BTRC: variants seen among roughly 807,000 people sequenced by gnomAD.
The protein encoded by BTRC is beta-transducin repeat containing E3 ubiquitin protein ligase.
Under a neutral mutation model 85.5 loss-of-function variants are expected in BTRC, and 42 were observed. The observed-to-expected ratio is 0.49, with a 90% CI of 0.38 to 0.64. The LOEUF (loss-of-function observed/expected upper bound fraction) is 0.64, where lower values mean the gene tolerates loss of function less well. Ranked by LOEUF, BTRC falls within the 30% of genes least tolerant of loss-of-function variation. BTRC has a pLI of 0.00. For synonymous variants in BTRC, 255 were observed against 263.3 expected (o/e 0.97, Z 0.30); for missense variants, 594 against 743.5 (o/e 0.80, Z 2.34).
chr10:101,361,373 T>C (rs1292134220), intron 1 of BTRC, among the ~76,000 whole-genome samples: 1 of 152,232 alleles, frequency 6.6e-6, no homozygotes, highest in Non-Finnish European at 1.5e-5. Flanking sequence ...CCCTAAGTGC[T>C]GGGATTACAG....
intron 1 of BTRC, among the ~76,000 whole-genome samples, chr10:101,414,402 C>T (rs1274678991): frequency 6.6e-6 from 1 of 152,090 alleles, no homozygotes; most frequent in East Asian, 1.9e-4. Context: ...GAACCTGCTG[C>T]ACTGCTAGTC....
intron 1 of BTRC, among the ~76,000 whole-genome samples, chr10:101,363,539 A>G (rs1390941204): frequency 1.3e-5 from 2 of 151,594 alleles, no homozygotes; most frequent in Non-Finnish European, 2.9e-5. Flanking sequence ...GCTCACTGCC[A>G]CCTCCACCTC....
chr10:101,531,113 G>A, intron 6 of BTRC, 124 bp from the exon 7 acceptor site: 1 of 706,796 alleles, frequency 1.4e-6, no homozygotes, highest in Non-Finnish European at 2.3e-6. Flanking sequence ...GGAGGTTGCA[G>A]TGAGCCAACA....
At chr10:101,360,156 G>C (rs1329063576) in intron 1 of BTRC, among the ~76,000 whole-genome samples, 1 of 151,992 alleles carries the variant, frequency 6.6e-6, no homozygotes, top group African/African-American at 2.4e-5. Context: ...CTGGGTTCAA[G>C]CAATTCTTGT....
intron 1 of BTRC, among the ~76,000 whole-genome samples, chr10:101,364,088 T>C (rs1590201329): frequency 6.6e-6 from 1 of 152,104 alleles, no homozygotes; most frequent in East Asian, 1.9e-4. Flanking sequence ...AGTAATCTAC[T>C]GCAGTGATCT....
At chr10:101,361,556 T>G (rs1280467669) in intron 1 of BTRC, among the ~76,000 whole-genome samples, 4 of 152,226 alleles carry the variant, frequency 2.6e-5, no homozygotes. Context: ...CTCAGCATTC[T>G]AAAATAGGCA....
intron 4 of BTRC, among the ~76,000 whole-genome samples, chr10:101,499,292 A>C (rs932911172): frequency 2.0e-5 from 3 of 151,450 alleles, no homozygotes; most frequent in Non-Finnish European, 4.4e-5. Context: ...GCTGGAGTGC[A>C]GTGGTGCGAT....
At chr10:101,426,188 A>G (rs899182162) in intron 1 of BTRC, among the ~76,000 whole-genome samples, 79 of 152,130 alleles carry the variant, frequency 5.2e-4, no homozygotes, top group African/African-American at 1.8e-3. Flanking sequence ...GTTATAGCCC[A>G]CTCCATTTAT....
At chr10:101,419,272 A>G (rs939107425) in intron 1 of BTRC, among the ~76,000 whole-genome samples, 22 of 152,152 alleles carry the variant, frequency 1.4e-4, no homozygotes, top group African/African-American at 5.3e-4. Flanking sequence ...CGGCCTCCCA[A>G]AGTGCTGGGA....
chr10:101,426,171 A>G (rs1461785693), intron 1 of BTRC, among the ~76,000 whole-genome samples: 3 of 152,240 alleles, frequency 2.0e-5, no homozygotes, highest in Non-Finnish European at 2.9e-5. Context: ...AAACAGGTAG[A>G]GTAAAAGTTA....
chr10:101,372,412 G>A (rs867958506), intron 1 of BTRC, among the ~76,000 whole-genome samples: 6 of 149,960 alleles, frequency 4.0e-5, no homozygotes, highest in South Asian at 4.3e-4. Context: ...ACACCACCAC[G>A]CCCGGCTAAT....
chr10:101,371,170 TTTTTG>T (rs1452783382), intron 1 of BTRC, among the ~76,000 whole-genome samples: 2 of 144,126 alleles, frequency 1.4e-5, no homozygotes, highest in Non-Finnish European at 3.1e-5. Flanking sequence ...TATTCTTTTT[TTTTTG>T]TTTGTTTGGT....
intron 4 of BTRC, among the ~76,000 whole-genome samples, chr10:101,491,058 CAA>C (rs10558650): frequency 0.58 from 85,395 of 146,758 alleles, 24,907 homozygotes; most frequent in East Asian, 0.84. Flanking sequence ...GACTCTGTCT[CAA>C]AAAAAAAAAA....
chr10:101,415,603 G>C (rs543455298), intron 1 of BTRC, among the ~76,000 whole-genome samples: 1 of 148,886 alleles, frequency 6.7e-6, no homozygotes, highest in Admixed American at 6.7e-5. Context: ...GTGCAATGGC[G>C]TGATCTCGGC....
chr10:101,536,485 C>A, intron 11 of BTRC, 58 bp from the exon 12 acceptor site: 1 of 1,318,988 alleles, frequency 7.6e-7, no homozygotes, highest in South Asian at 1.2e-5. Flanking sequence ...ATTGTTATAA[C>A]ATTCCAGGCT....
At chr10:101,539,819 C>A (rs777074566) in intron 13 of BTRC, among the ~76,000 whole-genome samples, 1 of 152,310 alleles carries the variant, frequency 6.6e-6, no homozygotes, top group Non-Finnish European at 1.5e-5. Flanking sequence ...TCCAGTTACT[C>A]CACATTCTTG....
At position 101,473,946 on chromosome 10, in the gene BTRC, T is replaced by G. The variant is rs536704137; in HGVS notation, c.235-5422T>G. On this transcript the variant is annotated intron_variant, in intron 3 of 14. Coordinates refer to ENST00000370187, the MANE Select transcript of BTRC (RefSeq NM_033637.4). ...CACTTTTCAGTTCTAGAATTTCTATTTAGTTTATTTTTGGTTTTTCATTTT... is the reference window on the plus strand; with the variant it reads ...CACTTTTCAGTTCTAGAATTTCTATGTAGTTTATTTTTGGTTTTTCATTTT... 3.3e-5 allele frequency among the ~76,000 whole-genome samples: 5 copies of G among 152,290 alleles called. No individual in the cohort carries two copies. The South Asian group carries it at 1.0e-3, about 32-fold the overall frequency.
At chr10:101,529,991 G>C (rs1273486617) in intron 6 of BTRC, among the ~76,000 whole-genome samples, 1 of 152,208 alleles carries the variant, frequency 6.6e-6, no homozygotes, top group Non-Finnish European at 1.5e-5. Context: ...TCCACACCGT[G>C]TTTGGTGGGT....
intron 4 of BTRC, among the ~76,000 whole-genome samples, chr10:101,520,941 C>T (rs548231079): frequency 4.0e-5 from 6 of 150,496 alleles, no homozygotes; most frequent in South Asian, 4.2e-4. Flanking sequence ...CCAGCCTGGG[C>T]GACAGAGCAA....
Sources: allele counts gnomAD v4.1 joint callset (sites outside exome capture counted in the v4.1 genomes callset), GRCh38; gene constraint gnomAD v4.1.1; transcripts MANE v1.5; gene names NCBI Gene and HGNC (gene_info 2026-07-23, HGNC 2026-07-21).